The following GRM7 variants were observed in gnomAD, a reference collection of about 807,000 sequenced individuals.
GRM7 encodes glutamate metabotropic receptor 7.
Under a neutral mutation model 84.5 loss-of-function variants are expected in GRM7, and 35 were observed. The observed-to-expected ratio is 0.41, with a 90% confidence interval of 0.32 to 0.55. The LOEUF (loss-of-function observed/expected upper bound fraction) is 0.55, where lower values mean the gene tolerates loss of function less well. GRM7 is among the 20% of genes least tolerant of loss of function. GRM7 has a pLI of 0.19. For synonymous variants in GRM7, 487 were observed against 455.1 expected, an observed-to-expected ratio of 1.07 and a Z score of -0.89; for missense variants, 1,003 against 1,194.6, an observed-to-expected ratio of 0.84 and a Z score of 2.36.
At chr3:7,013,704 T>C (rs1417227804) in intron 1 of GRM7, among the ~76,000 whole-genome samples, 3 of 152,084 alleles carry the variant, frequency 2.0e-5, no homozygotes, top group South Asian at 2.1e-4. Flanking sequence ...AGCAGGAGAA[T>C]TGCTTGAGCC....
chr3:7,509,096 T>G (rs1327630838), intron 7 of GRM7, among the ~76,000 whole-genome samples: 1 of 152,150 alleles, frequency 6.6e-6, no homozygotes. Flanking sequence ...ATCATTCCTT[T>G]GTCCAATGTG....
At chr3:6,907,364 A>G (rs565939239) in intron 1 of GRM7, among the ~76,000 whole-genome samples, 21 of 152,328 alleles carry the variant, frequency 1.4e-4, no homozygotes, top group African/African-American at 4.8e-4. Context: ...TGGTTTGAAA[A>G]AGTACCGTGG....
intron 5 of GRM7, among the ~76,000 whole-genome samples, chr3:7,428,500 C>A (rs1278276366): frequency 6.6e-6 from 1 of 152,114 alleles, no homozygotes; most frequent in Non-Finnish European, 1.5e-5. Flanking sequence ...AGTGCTTACT[C>A]TTGAAAAGTG....
intron 1 of GRM7, among the ~76,000 whole-genome samples, chr3:6,949,151 C>T (rs960170310): frequency 4.6e-5 from 7 of 152,118 alleles, no homozygotes; most frequent in South Asian, 2.1e-4. Flanking sequence ...TTCCTAGCCT[C>T]GATGGTCTTT....
chr3:6,874,343 T>C (rs963430426), intron 1 of GRM7, among the ~76,000 whole-genome samples: 1 of 152,182 alleles, frequency 6.6e-6, no homozygotes, highest in Non-Finnish European at 1.5e-5. Flanking sequence ...CAAGTGTCGT[T>C]TATATGAAAA....
intron 1 of GRM7, among the ~76,000 whole-genome samples, chr3:7,050,539 G>T (rs1696957603): frequency 6.6e-6 from 1 of 151,794 alleles, no homozygotes; most frequent in Non-Finnish European, 1.5e-5. Flanking sequence ...GATGTAATTG[G>T]TCAAGTAGAT....
At chr3:7,550,185 C>T (rs1052671099) in intron 7 of GRM7, among the ~76,000 whole-genome samples, 1 of 151,550 alleles carries the variant, frequency 6.6e-6, no homozygotes, top group South Asian at 2.1e-4. Context: ...GGTAACTGCC[C>T]AGAGGCCAAA....
intron 2 of GRM7, among the ~76,000 whole-genome samples, chr3:7,257,644 C>T (rs9873905): frequency 0.34 from 51,838 of 151,944 alleles, 9,074 homozygotes; most frequent in Middle Eastern, 0.47. Flanking sequence ...AGAAACCTAG[C>T]GGTAGCAAGT....
chr3:7,614,200 G>A (rs959228127), intron 8 of GRM7, among the ~76,000 whole-genome samples: 1 of 152,166 alleles, frequency 6.6e-6, no homozygotes, highest in Admixed American at 6.5e-5. Flanking sequence ...GTGAGGCAGA[G>A]GTTGCAGTGA....
At chr3:7,515,141 C>G (rs112889553) in intron 7 of GRM7, among the ~76,000 whole-genome samples, 1 of 148,514 alleles carries the variant, frequency 6.7e-6, no homozygotes. Context: ...CTGTTACACA[C>G]GTGAAATGCC....
At chr3:7,663,512 C>T (rs1179415305) in intron 8 of GRM7, among the ~76,000 whole-genome samples, 1 of 152,148 alleles carries the variant, frequency 6.6e-6, no homozygotes, top group African/African-American at 2.4e-5. Flanking sequence ...GGGTGCAGCA[C>T]AACATTCATA....
At chr3:7,072,507 C>A (rs557192221) in intron 1 of GRM7, among the ~76,000 whole-genome samples, 12 of 151,900 alleles carry the variant, frequency 7.9e-5, no homozygotes, top group Non-Finnish European at 1.8e-4. Flanking sequence ...CATAGTGAGA[C>A]CCTGTCTCTA....
chr3:7,132,494 A>G (rs1574944262), intron 1 of GRM7, among the ~76,000 whole-genome samples: 1 of 152,202 alleles, frequency 6.6e-6, no homozygotes, highest in Non-Finnish European at 1.5e-5. Context: ...TTAAATGGTA[A>G]GGAATTATTT....
At chr3:7,328,632 G>A (rs954350362) in intron 4 of GRM7, among the ~76,000 whole-genome samples, 2 of 152,308 alleles carry the variant, frequency 1.3e-5, no homozygotes, top group Admixed American at 1.3e-4. Flanking sequence ...TTGAGCCTCA[G>A]TGCCAGCCCT....
intron 5 of GRM7, among the ~76,000 whole-genome samples, chr3:7,436,542 A>G (rs1208951323): frequency 6.6e-6 from 1 of 152,178 alleles, no homozygotes; most frequent in Non-Finnish European, 1.5e-5. Context: ...TCATTATATA[A>G]CAACTAATGC....
At chr3:7,320,464 G>T (rs969853428) in intron 4 of GRM7, among the ~76,000 whole-genome samples, 12 of 151,996 alleles carry the variant, frequency 7.9e-5, no homozygotes, top group African/African-American at 2.7e-4. Context: ...AGGTCTGTTT[G>T]TTCAGACTCT....
rs140123150 is a variant in GRM7 at position 7,056,306 on chromosome 3, A to G, written c.520-90146A>G. ...TCGTGGCCATGGTCAGTTTCTTTGC[A>G]GTTTTTAATGCCTGGGAGTATCCAT... is the stretch of plus-strand genomic sequence containing the variant. On this transcript the variant is annotated intron_variant, in intron 1 of 9. Transcript: ENST00000357716. Among the ~76,000 whole-genome samples, 1,047 of 152,086 alleles carry G rather than the reference A, an allele frequency of 6.9e-3. 3 individuals are homozygous for G. Among genetic ancestry groups the G allele is most frequent in the Non-Finnish European group, 0.01 (694 of 67,928 alleles).
chr3:7,629,805 T>C (rs892690516), intron 8 of GRM7, among the ~76,000 whole-genome samples: 1 of 152,202 alleles, frequency 6.6e-6, no homozygotes, highest in Non-Finnish European at 1.5e-5. Context: ...AAACTTGTTT[T>C]ACATTCCAAG....
At chr3:6,978,031 C>T (rs1264590430) in intron 1 of GRM7, among the ~76,000 whole-genome samples, 2 of 151,340 alleles carry the variant, frequency 1.3e-5, no homozygotes, top group African/African-American at 4.8e-5. Flanking sequence ...ACCACCAGAA[C>T]CTGTACACGT....
Sources: gnomAD v4.1 joint callset for allele counts (sites outside exome capture counted in the v4.1 genomes callset) on GRCh38, gnomAD v4.1.1 for gene constraint, MANE v1.5 for transcripts, NCBI Gene and HGNC (gene_info 2026-07-23, HGNC 2026-07-21) for gene names.